Variants in CTNNAL1 observed in about 807,000 individuals in gnomAD.
CTNNAL1 encodes alpha-catulin.
Under a neutral mutation model 93.6 loss-of-function variants are expected in CTNNAL1, and 69 were observed. The observed-to-expected ratio is 0.74, with a 90% confidence interval of 0.61 to 0.90. The LOEUF is 0.90. CTNNAL1 is among the 40% of genes least tolerant of loss of function. CTNNAL1 has a pLI of 0.00. For missense variants in CTNNAL1, 836 were observed against 862.0 expected, an observed-to-expected ratio of 0.97 and a Z score of 0.38; for synonymous variants, 286 against 305.4, an observed-to-expected ratio of 0.94 and a Z score of 0.66.
In CTNNAL1 at chr9:108,943,043, A is replaced by T. The variant is rs767992712; in HGVS notation, c.2057T>A (p.Val686Asp). ...TSLQNKVFLK[V>D]DKCITKTRSM... ...TCTTGTCTTCGTAATACACTTGTCA[A>T]CCTACAATGACAAAAAGCATGCAAA... The change falls in exon 18 of 19, where the codon GTT becomes GAT. Residue 686 changes from valine (V) to aspartate (D), a missense_variant and splice_region_variant. Coordinates refer to ENST00000325551, the MANE Select transcript of CTNNAL1 (RefSeq NM_003798.4). 1 of 1,604,600 alleles carries T rather than the reference A, an allele frequency of 6.2e-7. No homozygotes were observed. The highest frequency in any genetic ancestry group is 8.5e-7 in the Non-Finnish European group (1 of 1,177,366).
chr9:108,995,868 G>A (rs1831996406), intron 2 of CTNNAL1, among the ~76,000 whole-genome samples: 1 of 152,092 alleles, frequency 6.6e-6, no homozygotes, highest in African/African-American at 2.4e-5. Flanking sequence ...TGAGAACACT[G>A]AGGTTTAGAA....
At chr9:109,002,423 A>G (rs1161374967) in intron 1 of CTNNAL1, among the ~76,000 whole-genome samples, 1 of 152,188 alleles carries the variant, frequency 6.6e-6, no homozygotes, top group Non-Finnish European at 1.5e-5. Flanking sequence ...AGCGACGGGT[A>G]AAAGCTTAAG....
At chr9:108,954,378 G>C (rs1830640316) in intron 12 of CTNNAL1, among the ~76,000 whole-genome samples, 1 of 152,118 alleles carries the variant, frequency 6.6e-6, no homozygotes, top group Admixed American at 6.6e-5. Context: ...TGTTACTAAA[G>C]ATAAAAAATA....
intron 4 of CTNNAL1, among the ~76,000 whole-genome samples, chr9:108,988,145 G>A (rs979104333): frequency 4.6e-5 from 7 of 152,078 alleles, no homozygotes; most frequent in African/African-American, 7.2e-5. Context: ...GCGCAGTGGC[G>A]TGATCTCAGC....
chr9:108,997,488 T>C (rs778996999), intron 2 of CTNNAL1, among the ~76,000 whole-genome samples: 5 of 152,184 alleles, frequency 3.3e-5, no homozygotes, highest in Non-Finnish European at 5.9e-5. Context: ...CACAAAACAA[T>C]ATGTCTTTCA....
chr9:108,972,409 G>A (rs1270503018), intron 9 of CTNNAL1, among the ~76,000 whole-genome samples: 1 of 152,086 alleles, frequency 6.6e-6, no homozygotes, highest in Non-Finnish European at 1.5e-5. Context: ...TACCTCCATG[G>A]CTCTACTCCA....
intron 9 of CTNNAL1, 132 bp downstream of exon 9, chr9:108,972,543 G>A: frequency 1.3e-6 from 1 of 766,026 alleles, no homozygotes; most frequent in South Asian, 1.8e-5. Flanking sequence ...TACATGGTAT[G>A]CTTTTAAGAT....
intron 7 of CTNNAL1, 74 bp downstream of exon 7, chr9:108,979,207 A>G: frequency 6.4e-7 from 1 of 1,553,732 alleles, no homozygotes; most frequent in Non-Finnish European, 8.8e-7. Flanking sequence ...TGATTATGTA[A>G]CTTCCATATC....
At chr9:108,961,167 A>G (rs945670446) in intron 11 of CTNNAL1, among the ~76,000 whole-genome samples, 6 of 152,248 alleles carry the variant, frequency 3.9e-5, no homozygotes, top group Non-Finnish European at 8.8e-5. Flanking sequence ...CTTTTCAACA[A>G]TAGTCATAAC....
intron 11 of CTNNAL1, 111 bp from the exon 12 acceptor site, chr9:108,955,938 GT>G: frequency 1.6e-6 from 1 of 642,486 alleles, no homozygotes; most frequent in Non-Finnish European, 2.5e-6. Context: ...TAGTACATTA[GT>G]TTTGATAACA....
intron 7 of CTNNAL1, among the ~76,000 whole-genome samples, chr9:108,978,896 C>T (rs1831339517): frequency 6.6e-6 from 1 of 152,204 alleles, no homozygotes; most frequent in South Asian, 2.1e-4. Flanking sequence ...ATGGCTCCAG[C>T]AGTCAGGCTC....
intron 2 of CTNNAL1, among the ~76,000 whole-genome samples, chr9:108,996,320 A>T (rs1275607859): frequency 6.6e-6 from 1 of 152,146 alleles, no homozygotes; most frequent in Non-Finnish European, 1.5e-5. Context: ...ACTGTTGACA[A>T]ACAAAGAAAA....
chr9:108,948,288 G>T, intron 14 of CTNNAL1, 54 bp from the exon 15 acceptor site: 2 of 1,539,658 alleles, frequency 1.3e-6, no homozygotes, highest in Admixed American at 1.9e-5. Flanking sequence ...CCTGAAAATT[G>T]ACTTTATAAT....
chr9:108,970,511 C>T lies in CTNNAL1; in HGVS notation c.1348-17G>A. ...TCGACAGGTCTACAAGACAATATGT[C>T]TACAGTTTAACTTTCACATCCTCAT... is the stretch of plus-strand genomic sequence containing the variant. On this transcript the variant is annotated splice_polypyrimidine_tract_variant and intron_variant, in intron 9 of 18. Coordinates refer to ENST00000325551, the MANE Select transcript of CTNNAL1 (RefSeq NM_003798.4). 6.3e-7 allele frequency: 1 copy of T among 1,593,316 alleles called. No individual in the cohort carries two copies. Among genetic ancestry groups the T allele is most frequent in the Non-Finnish European group, 8.5e-7 (1 of 1,171,070 alleles).
Position 108,942,614 on chromosome 9 carries a change from T to C in CTNNAL1, c.*155A>G. 1 of 600,542 alleles carries C rather than the reference T, an allele frequency of 1.7e-6. No individual in the cohort carries two copies. The highest frequency in any genetic ancestry group is 2.8e-5 in the East Asian group (1 of 35,782). 37.2% of individuals were successfully genotyped at this position (600,542 alleles called of 1,614,324 possible). On this transcript the variant is annotated 3_prime_UTR_variant, in exon 19 of 19. Transcript: ENST00000325551. ...AGACATTTATTAGTTGTCAAAAAGC[T>C]TTACAATCAGTTTCATGATCAGAAA...
chr9:108,973,039 C>T (rs1405065415), intron 8 of CTNNAL1, among the ~76,000 whole-genome samples: 15 of 152,164 alleles, frequency 9.9e-5, no homozygotes, highest in Non-Finnish European at 2.2e-4. Flanking sequence ...AGTTGTGTAG[C>T]ACTGGTGAGC....
intron 1 of CTNNAL1, among the ~76,000 whole-genome samples, chr9:109,008,618 A>G (rs1189240324): frequency 6.6e-6 from 1 of 152,158 alleles, no homozygotes; most frequent in Non-Finnish European, 1.5e-5. Context: ...CCTCACCAAC[A>G]CTTATTCTCA....
At chr9:108,977,511 CT>C (rs1831299790) in intron 7 of CTNNAL1, 1 of 152,206 alleles carries the variant, frequency 6.6e-6, no homozygotes, top group East Asian at 1.9e-4. Flanking sequence ...CCTCTTCTTA[CT>C]CACTGTAATC....
intron 8 of CTNNAL1, 57 bp from the exon 9 acceptor site, chr9:108,972,890 A>C: frequency 6.8e-7 from 1 of 1,463,178 alleles, no homozygotes; most frequent in Non-Finnish European, 9.0e-7. Context: ...AAGGGTGATG[A>C]AGGAAAGAAA....
Sources: gnomAD v4.1 joint callset for allele counts (sites outside exome capture counted in the v4.1 genomes callset) on GRCh38, gnomAD v4.1.1 for gene constraint, MANE v1.5 for transcripts, NCBI Gene and HGNC (gene_info 2026-07-23, HGNC 2026-07-21) for gene names.